The following SRGAP2 variants were observed in gnomAD, a reference collection of about 807,000 sequenced individuals.
SRGAP2 encodes the protein SLIT-ROBO Rho GTPase-activating protein 2.
A neutral mutation model predicts 57.2 loss-of-function variants in SRGAP2; 15 were observed. That is an observed-to-expected ratio of 0.26 (90% confidence interval 0.18 to 0.40). The LOEUF is 0.40. Ranked by LOEUF, SRGAP2 falls within the 10% of genes least tolerant of loss-of-function variation. The probability of loss-of-function intolerance (pLI) is 1.00; values close to 1 mark genes in which losing one functional copy is unlikely to be tolerated. For synonymous variants in SRGAP2, 249 were observed against 248.0 expected (o/e 1.00, Z -0.04); for missense variants, 520 against 669.6 (o/e 0.78, Z 2.47).
chr1:206,398,754 C>T (rs1479041959), intron 7 of SRGAP2, among the ~76,000 whole-genome samples: 5 of 152,112 alleles, frequency 3.3e-5, no homozygotes, highest in Non-Finnish European at 5.9e-5. Flanking sequence ...GAAGCGTATT[C>T]CTTGTCATAT....
At chr1:206,415,076 G>A (rs1659570157) in intron 10 of SRGAP2, among the ~76,000 whole-genome samples, 1 of 152,194 alleles carries the variant, frequency 6.6e-6, no homozygotes, top group Non-Finnish European at 1.5e-5. Flanking sequence ...CGAAACCTCA[G>A]TGCTCTCATG....
intron 3 of SRGAP2, among the ~76,000 whole-genome samples, chr1:206,328,356 A>G (rs1456597428): frequency 9.3e-6 from 1 of 107,530 alleles, no homozygotes; most frequent in Non-Finnish European, 1.8e-5. Context: ...TGGTATTTCT[A>G]GTTCTAGATC....
At chr1:206,387,125 CAAAAAAA>C (rs782327960) in intron 5 of SRGAP2, among the ~76,000 whole-genome samples, 1 of 83,544 alleles carries the variant, frequency 1.2e-5, no homozygotes, top group East Asian at 3.3e-4. Flanking sequence ...GACTCTGTCT[CAAAAAAA>C]AAAAAAAAAA....
intron 17 of SRGAP2, among the ~76,000 whole-genome samples, chr1:206,444,810 C>T (rs1296760609): frequency 6.6e-6 from 1 of 152,208 alleles, no homozygotes; most frequent in Non-Finnish European, 1.5e-5. Flanking sequence ...GATTTGTAAC[C>T]TCCCCCGTTG....
intron 2 of SRGAP2, among the ~76,000 whole-genome samples, chr1:206,245,102 G>C (rs1167570210): frequency 7.3e-6 from 1 of 137,314 alleles, no homozygotes; most frequent in Non-Finnish European, 1.6e-5. Flanking sequence ...GAATAGGGTA[G>C]AGAAAATAAT....
intron 5 of SRGAP2, among the ~76,000 whole-genome samples, chr1:206,390,210 CT>C (rs1656792888): frequency 8.0e-6 from 1 of 125,718 alleles, no homozygotes; most frequent in Non-Finnish European, 1.7e-5. Context: ...AATAAAGCTT[CT>C]CCAGTATTTA....
chr1:206,342,003 A>T (rs1237985109), intron 3 of SRGAP2, among the ~76,000 whole-genome samples: 2 of 152,188 alleles, frequency 1.3e-5, no homozygotes, highest in African/African-American at 2.4e-5. Flanking sequence ...GTCTCAAAAA[A>T]AAAAGGGAAT....
chr1:206,453,554 C>G (rs536832982), intron 20 of SRGAP2, 174 bp downstream of exon 20: 2 of 378,838 alleles, frequency 5.3e-6, no homozygotes, highest in South Asian at 1.3e-4. Flanking sequence ...GCCCCACTCC[C>G]TGCACTCAGT....
chr1:206,357,172 A>G (rs1216799547), intron 4 of SRGAP2, among the ~76,000 whole-genome samples: 1 of 147,184 alleles, frequency 6.8e-6, no homozygotes, highest in African/African-American at 2.7e-5. Context: ...TTAAGTTGGA[A>G]GCAAACAAAC....
At chr1:206,443,796 G>A (rs199743416) in intron 17 of SRGAP2, among the ~76,000 whole-genome samples, 1 of 151,032 alleles carries the variant, frequency 6.6e-6, no homozygotes, top group Non-Finnish European at 1.5e-5. Context: ...AAAACTGTGT[G>A]CATTTATTTA....
At chr1:206,241,903 G>T (rs150265080) in intron 2 of SRGAP2, among the ~76,000 whole-genome samples, 3,846 of 134,412 alleles carry the variant, frequency 0.029, 207 homozygotes, top group African/African-American at 0.11. Context: ...AATGCTGGGA[G>T]GTGTTTGCGT....
At chr1:206,424,820 G>A (rs184192482) in intron 13 of SRGAP2, among the ~76,000 whole-genome samples, 44 of 152,292 alleles carry the variant, frequency 2.9e-4, no homozygotes, top group African/African-American at 8.9e-4. Context: ...TGGCAGGAGC[G>A]TTCAAAGCCT....
chr1:206,265,803 G>A (rs1329944857), intron 2 of SRGAP2, among the ~76,000 whole-genome samples: 2 of 150,992 alleles, frequency 1.3e-5, no homozygotes, highest in Non-Finnish European at 3.0e-5. Context: ...TAAAGTGAAC[G>A]TGTTTTTTTC....
At chr1:206,243,745 A>T (rs1163471532) in intron 2 of SRGAP2, among the ~76,000 whole-genome samples, 27 of 152,282 alleles carry the variant, frequency 1.8e-4, no homozygotes, top group African/African-American at 6.5e-4. Flanking sequence ...TACTCGGTTG[A>T]TGGAGCAGCT....
At chr1:206,332,974 C>T (rs1674482966) in intron 3 of SRGAP2, among the ~76,000 whole-genome samples, 2 of 151,708 alleles carry the variant, frequency 1.3e-5, no homozygotes, top group Admixed American at 1.3e-4. Context: ...TGGTGATGTA[C>T]AGATGGGTTT....
rs145197539 is a variant in SRGAP2 at position 206,423,302 on chromosome 1, C to T, written c.1494+2028C>T. ...ATTTCTCCAGGGCTCTGTCCTCTCA[C>T]GATGTCTCTCTATATTCTTTCCTTT... On this transcript the variant is annotated intron_variant, in intron 13 of 22. Coordinates refer to ENST00000573034, the MANE Select transcript of SRGAP2 (RefSeq NM_015326.5). 7.9e-5 allele frequency among the ~76,000 whole-genome samples: 12 copies of T among 152,350 alleles called. No individual in the cohort carries two copies. In the East Asian group the frequency reaches 1.9e-3, roughly 24 times the overall value.
At chr1:206,340,519 C>T (rs529499065) in intron 3 of SRGAP2, among the ~76,000 whole-genome samples, 12 of 151,842 alleles carry the variant, frequency 7.9e-5, no homozygotes, top group African/African-American at 2.7e-4. Flanking sequence ...CAGTATAGAC[C>T]CCCCCCAATC....
chr1:206,441,581 C>G (rs1553372094), intron 17 of SRGAP2, among the ~76,000 whole-genome samples: 1 of 152,146 alleles, frequency 6.6e-6, no homozygotes, highest in South Asian at 2.1e-4. Context: ...AAATGGGCAC[C>G]CTGAGAGCCA....
At chr1:206,449,965 T>C (rs1663123636) in intron 18 of SRGAP2, among the ~76,000 whole-genome samples, 1 of 152,250 alleles carries the variant, frequency 6.6e-6, no homozygotes, top group African/African-American at 2.4e-5. Flanking sequence ...ATCACACAGC[T>C]ACCAAGTATC....
Sources: allele counts gnomAD v4.1 joint callset (sites outside exome capture counted in the v4.1 genomes callset), GRCh38; gene constraint gnomAD v4.1.1; transcripts MANE v1.5; gene names NCBI Gene and HGNC (gene_info 2026-07-23, HGNC 2026-07-21).